Variants in SIL1 observed in about 807,000 individuals in gnomAD.
SIL1 encodes the protein SIL1 nucleotide exchange factor.
A neutral mutation model predicts 49.1 loss-of-function variants in SIL1; 40 were observed. That is an observed-to-expected ratio of 0.81 (90% CI 0.63 to 1.06). The LOEUF (loss-of-function observed/expected upper bound fraction) is 1.06, where lower values mean the gene tolerates loss of function less well. Among genes scored for constraint, SIL1 ranks in the 50% least tolerant of loss-of-function variants. SIL1 has a pLI of 0.00. For missense variants in SIL1, 500 were observed against 572.6 expected (o/e 0.87, Z 1.29); for synonymous variants, 253 against 250.8 (o/e 1.01, Z -0.08).
intron 1 of SIL1, among the ~76,000 whole-genome samples, chr5:139,170,283 C>G (rs531800946): frequency 1.3e-5 from 2 of 152,132 alleles, no homozygotes; most frequent in East Asian, 3.9e-4. Flanking sequence ...TCTGCCCGGC[C>G]GCCACCCCGT....
intron 7 of SIL1, among the ~76,000 whole-genome samples, chr5:139,009,969 T>C (rs1471156116): frequency 6.6e-6 from 1 of 152,102 alleles, no homozygotes; most frequent in East Asian, 1.9e-4. Flanking sequence ...AGGAGCATCT[T>C]TGTGGCGTTC....
At chr5:139,100,341 G>A (rs1044784831) in intron 3 of SIL1, among the ~76,000 whole-genome samples, 1 of 152,204 alleles carries the variant, frequency 6.6e-6, no homozygotes, top group African/African-American at 2.4e-5. Flanking sequence ...ACAGCCTGAT[G>A]TGTTTAGGGA....
chr5:139,043,833 A>C (rs1437520624), intron 4 of SIL1, among the ~76,000 whole-genome samples: 2 of 152,238 alleles, frequency 1.3e-5, no homozygotes, highest in Non-Finnish European at 2.9e-5. Context: ...CGAAGGGAAG[A>C]GTGGAGTATG....
intron 7 of SIL1, among the ~76,000 whole-genome samples, chr5:139,020,848 C>T (rs1399455729): frequency 6.6e-6 from 1 of 152,210 alleles, no homozygotes; most frequent in Non-Finnish European, 1.5e-5. Context: ...TGCCAAAAGA[C>T]CTACTCTTGT....
At chr5:139,039,695 A>G (rs182366812) in intron 5 of SIL1, among the ~76,000 whole-genome samples, 4 of 152,174 alleles carry the variant, frequency 2.6e-5, no homozygotes, top group Admixed American at 6.5e-5. Flanking sequence ...GTTTTTAGTT[A>G]CCCTTAGCTG....
At chr5:139,027,958 T>G (rs773241648) in intron 5 of SIL1, among the ~76,000 whole-genome samples, 1 of 151,920 alleles carries the variant, frequency 6.6e-6, no homozygotes, top group Non-Finnish European at 1.5e-5. Flanking sequence ...AAGACCAAGC[T>G]CCTAGCGGAG....
At chr5:138,999,331 C>G (rs1561821392) in intron 7 of SIL1, among the ~76,000 whole-genome samples, 1 of 152,162 alleles carries the variant, frequency 6.6e-6, no homozygotes, top group Admixed American at 6.6e-5. Flanking sequence ...GTGCTTTCTT[C>G]TTTTCCAGAT....
chr5:139,112,725 G>C (rs1687523984), intron 3 of SIL1, among the ~76,000 whole-genome samples: 2 of 151,118 alleles, frequency 1.3e-5, no homozygotes, highest in Admixed American at 1.3e-4. Context: ...GAGGTGGGGG[G>C]CGCCTCTGCC....
intron 3 of SIL1, among the ~76,000 whole-genome samples, chr5:139,057,329 G>GAAAAAAA (rs953514942): frequency 1.0e-5 from 1 of 99,984 alleles, no homozygotes; most frequent in Non-Finnish European, 2.1e-5. Context: ...AAAAAAAAAA[G>GAAAAAAA]AAAAGAAAAG....
At chr5:139,045,572 A>G (rs1221517784) in intron 4 of SIL1, among the ~76,000 whole-genome samples, 1 of 152,166 alleles carries the variant, frequency 6.6e-6, no homozygotes, top group Non-Finnish European at 1.5e-5. Flanking sequence ...CCACATTTAC[A>G]TCTCCAGCCC....
intron 3 of SIL1, among the ~76,000 whole-genome samples, chr5:139,115,576 C>A (rs185420955): frequency 4.1e-4 from 62 of 152,286 alleles, no homozygotes; most frequent in African/African-American, 1.4e-3. Context: ...ATAAAACCTC[C>A]ATAAAAGCCC....
At chr5:139,165,463 C>G (rs992187719) in intron 1 of SIL1, among the ~76,000 whole-genome samples, 1 of 152,020 alleles carries the variant, frequency 6.6e-6, no homozygotes, top group Non-Finnish European at 1.5e-5. Context: ...ATTCTCATGC[C>G]TCAGCCTCCC....
At chr5:139,176,899 A>G (rs1372477282) in intron 1 of SIL1, among the ~76,000 whole-genome samples, 1 of 151,010 alleles carries the variant, frequency 6.6e-6, no homozygotes, top group East Asian at 1.9e-4. Context: ...CCAAGGTCAC[A>G]TAGCTTCCAA....
chr5:139,065,172 C>T (rs542057920), intron 3 of SIL1, among the ~76,000 whole-genome samples: 17 of 152,266 alleles, frequency 1.1e-4, no homozygotes, highest in African/African-American at 1.4e-4. Context: ...ATGAGGGCTG[C>T]GGGGCATCCA....
intron 5 of SIL1, chr5:139,034,377 A>T (rs963253201): frequency 1.3e-5 from 2 of 151,624 alleles, no homozygotes; most frequent in African/African-American, 2.4e-5. Context: ...CATTTTATTT[A>T]TTTTTTTTGT....
intron 3 of SIL1, among the ~76,000 whole-genome samples, chr5:139,095,802 G>A (rs889732814): frequency 6.6e-6 from 1 of 151,610 alleles, no homozygotes; most frequent in African/African-American, 2.4e-5. Context: ...CACTCCAGCT[G>A]GAGCAACAGA....
intron 7 of SIL1, among the ~76,000 whole-genome samples, chr5:139,015,746 C>T (rs1490117136): frequency 6.6e-6 from 1 of 152,222 alleles, no homozygotes; most frequent in East Asian, 1.9e-4. Flanking sequence ...AAGCAAACAT[C>T]TCTTTATGTC....
At chr5:139,165,046 CCTTT>C (rs1751588510) in intron 1 of SIL1, among the ~76,000 whole-genome samples, 1 of 152,308 alleles carries the variant, frequency 6.6e-6, no homozygotes, top group African/African-American at 2.4e-5. Flanking sequence ...CCCTTGTTTT[CCTTT>C]CTTCCTTCCT....
chr5:139,109,317 A>C (rs879510782), intron 3 of SIL1, among the ~76,000 whole-genome samples: 46 of 152,294 alleles, frequency 3.0e-4, no homozygotes, highest in Admixed American at 3.0e-3. Flanking sequence ...CAGCCCTCAA[A>C]TCACACTGCA....
Sources: gnomAD v4.1 joint callset for allele counts (sites outside exome capture counted in the v4.1 genomes callset) on GRCh38, gnomAD v4.1.1 for gene constraint, MANE v1.5 for transcripts, NCBI Gene and HGNC (gene_info 2026-07-23, HGNC 2026-07-21) for gene names.